The following ADAMTS6 variants were observed in gnomAD, a reference collection of about 807,000 sequenced individuals.
ADAMTS6 encodes A disintegrin and metalloproteinase with thrombospondin motifs 6.
ADAMTS6 carries 23 observed loss-of-function variants against 144.3 expected under a neutral mutation model. The ratio of observed to expected loss-of-function variants is 0.16; its 90% CI spans 0.11 to 0.23. ADAMTS6 has a LOEUF of 0.23. Among genes scored for constraint, ADAMTS6 ranks in the 10% least tolerant of loss-of-function variants. ADAMTS6 has a pLI of 1.00. For synonymous variants in ADAMTS6, 444 were observed against 457.5 expected (o/e 0.97, Z 0.38); for missense variants, 999 against 1,379.6 (o/e 0.72, Z 4.37).
In ADAMTS6 at chr5:65,224,990, A is replaced by G. The variant is rs1209542784; in HGVS notation, c.2125T>C (p.Cys709Arg). ...TCACATGTGCTTCCGTCCCCTCCACAGACTCGACATCTATCTTCCCTAGCA... is the reference window on the plus strand; with the variant it reads ...TCACATGTGCTTCCGTCCCCTCCACGGACTCGACATCTATCTTCCCTAGCA... ...SDAREDRCRV[C>R]GGDGSTCDAI... is the part of the protein sequence containing the mutation. Residue 709 changes from cysteine (C) to arginine (R), a missense_variant, in exon 17 of 25, where the codon TGT becomes CGT. Coordinates refer to ENST00000381055, the MANE Select transcript of ADAMTS6 (RefSeq NM_197941.4). The G allele has an allele frequency of 6.2e-7, 1 of 1,613,998 alleles. No individual in the cohort carries two copies. The highest frequency in any genetic ancestry group is 8.5e-7 in the Non-Finnish European group (1 of 1,180,016).
intron 7 of ADAMTS6, chr5:65,415,794 A>C: frequency 3.9e-6 from 1 of 259,022 alleles, no homozygotes; most frequent in Non-Finnish European, 7.6e-6. Context: ...CCACTGCCAT[A>C]CACGAGGCCA....
intron 7 of ADAMTS6, among the ~76,000 whole-genome samples, chr5:65,401,814 A>G (rs959088646): frequency 7.9e-5 from 12 of 152,134 alleles, no homozygotes; most frequent in Non-Finnish European, 1.3e-4. Flanking sequence ...TACTGTTAGG[A>G]TAGAGTGGCA....
intron 11 of ADAMTS6, among the ~76,000 whole-genome samples, chr5:65,284,805 TC>T (rs1312912807): frequency 2.0e-5 from 3 of 152,114 alleles, no homozygotes; most frequent in African/African-American, 7.2e-5. Flanking sequence ...TGTCATATTC[TC>T]CTTTTATAAG....
chr5:65,273,334 G>GCTTA lies in ADAMTS6; in HGVS notation c.1620+2_1620+5dup. The GCTTA allele has an allele frequency of 1.2e-6, 2 of 1,612,592 alleles. No individual in the cohort carries two copies. Among genetic ancestry groups the GCTTA allele is most frequent in the Non-Finnish European group, 1.7e-6 (2 of 1,178,708 alleles). On this transcript the variant is annotated splice_donor_region_variant and intron_variant, in intron 12 of 24. Coordinates refer to ENST00000381055, the MANE Select transcript of ADAMTS6 (RefSeq NM_197941.4). ...TGTCAAACAGGTAGTAAATCATTGA[G>GCTTA]CTTACCCCTTTTTCAATATTCCCAG...
chr5:65,259,266 G>A (rs1029503958), intron 14 of ADAMTS6, among the ~76,000 whole-genome samples: 1 of 151,864 alleles, frequency 6.6e-6, no homozygotes, highest in Admixed American at 6.6e-5. Context: ...ACAGCTACTC[G>A]GGAGGCCAAG....
At chr5:65,243,767 C>G (rs1759401557) in intron 14 of ADAMTS6, among the ~76,000 whole-genome samples, 1 of 151,976 alleles carries the variant, frequency 6.6e-6, no homozygotes, top group African/African-American at 2.4e-5. Context: ...TTGTTAGTGA[C>G]TTTTGTCATG....
At chr5:65,248,493 GA>G (rs1203860911) in intron 14 of ADAMTS6, among the ~76,000 whole-genome samples, 2 of 151,938 alleles carry the variant, frequency 1.3e-5, no homozygotes, top group East Asian at 3.9e-4. Flanking sequence ...CTCTTTCCCT[GA>G]GCTTATAAAC....
intron 15 of ADAMTS6, among the ~76,000 whole-genome samples, chr5:65,232,579 A>T (rs1758340211): frequency 6.6e-6 from 1 of 152,086 alleles, no homozygotes; most frequent in African/African-American, 2.4e-5. Context: ...CTTATATGTC[A>T]ACAAGTTAGA....
At position 65,173,006 on chromosome 5, in the gene ADAMTS6, A is replaced by G. The variant is rs146459028; in HGVS notation, c.2913T>C (p.Cys971=). Residue 971 remains cysteine, a splice_region_variant and synonymous_variant, in exon 23 of 25, where the codon TGT becomes TGC. Coordinates refer to ENST00000381055, the MANE Select transcript of ADAMTS6 (RefSeq NM_197941.4). ...TGAATCCTGGACCACATTTTGGAGT[A>G]CACTGGAAATAAAACAAATAGTAAT... ...PQWVALDWSE[C]TPKCGPGFKH... is the part of the protein sequence containing the mutation. The G allele has an allele frequency of 6.2e-7, 1 of 1,611,602 alleles. No individual in the cohort carries two copies. The highest frequency in any genetic ancestry group is 8.5e-7 in the Non-Finnish European group (1 of 1,179,258).
At chr5:65,209,438 T>C (rs1308444644) in intron 20 of ADAMTS6, among the ~76,000 whole-genome samples, 1 of 152,160 alleles carries the variant, frequency 6.6e-6, no homozygotes, top group Non-Finnish European at 1.5e-5. Context: ...ATCACACATA[T>C]ACTGAAGACA....
rs1757724442 is a variant in ADAMTS6 at position 65,226,354 on chromosome 5, T to TC, written c.1934-136dup. The TC allele has an allele frequency of 5.7e-6, 5 of 880,310 alleles. No individual in the cohort carries two copies. In the East Asian group the frequency reaches 1.6e-4, roughly 28 times the overall value. 54.5% of individuals were successfully genotyped at this position (880,310 alleles called of 1,614,324 possible). ...ATATGCCTGATTGTGTAGGTTTCTT[T>TC]CCCCCTTTTCTAAAATTTCACCTTT... On this transcript the variant is annotated intron_variant, in intron 15 of 24. Coordinates refer to ENST00000381055, the MANE Select transcript of ADAMTS6 (RefSeq NM_197941.4).
At chr5:65,254,402 C>T (rs768384394) in intron 14 of ADAMTS6, among the ~76,000 whole-genome samples, 19 of 152,020 alleles carry the variant, frequency 1.2e-4, no homozygotes, top group Non-Finnish European at 2.2e-4. Flanking sequence ...TAATAAAATG[C>T]TAGCACAATA....
At chr5:65,334,407 T>C (rs1266066744) in intron 7 of ADAMTS6, among the ~76,000 whole-genome samples, 1 of 152,226 alleles carries the variant, frequency 6.6e-6, no homozygotes, top group Non-Finnish European at 1.5e-5. Flanking sequence ...AGACTGTTAC[T>C]ACTTCTGCAA....
At chr5:65,364,874 T>A (rs1750161953) in intron 7 of ADAMTS6, among the ~76,000 whole-genome samples, 1 of 152,132 alleles carries the variant, frequency 6.6e-6, no homozygotes, top group African/African-American at 2.4e-5. Flanking sequence ...CCTGCCTGAT[T>A]GAATTTCTTA....
At chr5:65,395,644 T>C (rs1292760794) in intron 7 of ADAMTS6, among the ~76,000 whole-genome samples, 8 of 152,186 alleles carry the variant, frequency 5.3e-5, no homozygotes, top group Non-Finnish European at 1.0e-4. Context: ...TCCCCAACCA[T>C]TGGAATAGTT....
rs370367225 is a variant in ADAMTS6 at position 65,170,864 on chromosome 5, T to C, written c.3088-91A>G. The C allele has an allele frequency of 3.8e-4, 525 of 1,372,258 alleles. 2 individuals are homozygous for C. In the African/African-American group the frequency reaches 6.4e-3, roughly 17 times the overall value. The allele number at this position is 1,372,258 out of a possible 1,614,324, so 85.0% of individuals were successfully genotyped here. ...CTATGTCATTTCAAATACAACACAATATGAACTTTTTTTTTTTTCTTTTGA... is the reference window on the plus strand; with the variant it reads ...CTATGTCATTTCAAATACAACACAACATGAACTTTTTTTTTTTTCTTTTGA... On this transcript the variant is annotated intron_variant, in intron 23 of 24. Coordinates refer to ENST00000381055, the MANE Select transcript of ADAMTS6 (RefSeq NM_197941.4).
chr5:65,363,372 C>T (rs1750006821), intron 7 of ADAMTS6, among the ~76,000 whole-genome samples: 1 of 152,066 alleles, frequency 6.6e-6, no homozygotes, highest in Non-Finnish European at 1.5e-5. Flanking sequence ...AGCTTCACAC[C>T]CCTTTTGTGC....
chr5:65,472,077 A>C (rs1375671700), intron 2 of ADAMTS6, among the ~76,000 whole-genome samples: 1 of 152,246 alleles, frequency 6.6e-6, no homozygotes, highest in Non-Finnish European at 1.5e-5. Flanking sequence ...ATAACAAGGA[A>C]TGCAGTAGTG....
At chr5:65,423,647 GC>G (rs1756261140) in intron 7 of ADAMTS6, among the ~76,000 whole-genome samples, 1 of 151,540 alleles carries the variant, frequency 6.6e-6, no homozygotes, top group Non-Finnish European at 1.5e-5. Flanking sequence ...TTTTTTTAAT[GC>G]CAGTAAAACT....
Sources: allele counts gnomAD v4.1 joint callset (sites outside exome capture counted in the v4.1 genomes callset), GRCh38; gene constraint gnomAD v4.1.1; transcripts MANE v1.5; gene names NCBI Gene and HGNC (gene_info 2026-07-23, HGNC 2026-07-21).